Variants in DPP6 observed in about 807,000 individuals in gnomAD.
DPP6 encodes dipeptidyl peptidase like 6, also known as A-type potassium channel modulatory protein DPP6.
Under a neutral mutation model 122.6 loss-of-function variants are expected in DPP6, and 69 were observed. The observed-to-expected ratio is 0.56, with a 90% CI of 0.46 to 0.69. The LOEUF (loss-of-function observed/expected upper bound fraction) is 0.69, where lower values mean the gene tolerates loss of function less well. Ranked by LOEUF, DPP6 falls within the 30% of genes least tolerant of loss-of-function variation. The pLI is 0.00. For missense variants in DPP6, 928 were observed against 1,116.9 expected (o/e 0.83, Z 2.41); for synonymous variants, 418 against 433.1 (o/e 0.97, Z 0.43).
intron 1 of DPP6, among the ~76,000 whole-genome samples, chr7:154,006,262 C>T (rs559133209): frequency 3.9e-5 from 6 of 152,096 alleles, no homozygotes; most frequent in African/African-American, 1.2e-4. Context: ...TCCCTTGGTG[C>T]TTGGTGGGCC....
chr7:154,066,050 T>C (rs1440580746), intron 1 of DPP6, among the ~76,000 whole-genome samples: 1 of 147,790 alleles, frequency 6.8e-6, no homozygotes, highest in Non-Finnish European at 1.5e-5. Flanking sequence ...TTTGTTTTTT[T>C]TTTTTTTTAC....
At chr7:154,613,861 A>G (rs77570963) in intron 5 of DPP6, among the ~76,000 whole-genome samples, 2,269 of 152,242 alleles carry the variant, frequency 0.015, 58 homozygotes, top group African/African-American at 0.052. Context: ...AATGTCAAAC[A>G]CAAGCCACAG....
At chr7:154,375,128 A>G (rs1404948662) in intron 1 of DPP6, among the ~76,000 whole-genome samples, 1 of 152,046 alleles carries the variant, frequency 6.6e-6, no homozygotes, top group African/African-American at 2.4e-5. Flanking sequence ...GAGGGCAGAC[A>G]GTTCTGGATG....
At chr7:154,502,376 CA>C (rs1185787496) in intron 3 of DPP6, among the ~76,000 whole-genome samples, 2 of 152,086 alleles carry the variant, frequency 1.3e-5, no homozygotes, top group Non-Finnish European at 2.9e-5. Flanking sequence ...TGTCCCCACC[CA>C]AATCTCATCT....
At chr7:154,504,808 T>G (rs1825544721) in intron 3 of DPP6, among the ~76,000 whole-genome samples, 1 of 151,974 alleles carries the variant, frequency 6.6e-6, no homozygotes, top group African/African-American at 2.4e-5. Context: ...TTTTTTTTTT[T>G]TGCTGTGGAA....
chr7:153,817,798 G>A, the DPP6 span, among the ~76,000 whole-genome samples: 2 of 150,564 alleles, frequency 1.3e-5, no homozygotes, highest in South Asian at 4.3e-4. Context: ...GATAGCATTA[G>A]GAGATATACC....
intron 6 of DPP6, among the ~76,000 whole-genome samples, chr7:154,645,357 G>A (rs943141529): frequency 6.6e-6 from 1 of 152,080 alleles, no homozygotes; most frequent in African/African-American, 2.4e-5. Context: ...GAGCCACTGC[G>A]CCCGGCCTGT....
intron 1 of DPP6, among the ~76,000 whole-genome samples, chr7:153,891,567 C>T (rs1455250477): frequency 6.6e-6 from 1 of 151,946 alleles, no homozygotes; most frequent in Admixed American, 6.6e-5. Flanking sequence ...TCCTTTATTG[C>T]TGTTTGGTTG....
intron 5 of DPP6, among the ~76,000 whole-genome samples, chr7:154,590,629 G>C (rs912177557): frequency 1.4e-5 from 2 of 141,420 alleles, no homozygotes; most frequent in African/African-American, 5.4e-5. Flanking sequence ...CCACCTCCCA[G>C]GTTCAAACAA....
At chr7:154,595,621 C>T (rs1833047536) in intron 5 of DPP6, among the ~76,000 whole-genome samples, 1 of 152,234 alleles carries the variant, frequency 6.6e-6, no homozygotes, top group Admixed American at 6.5e-5. Context: ...AATAACAATT[C>T]CATTCATTTG....
chr7:153,780,638 T>C, the DPP6 span, among the ~76,000 whole-genome samples: 2 of 152,162 alleles, frequency 1.3e-5, no homozygotes, highest in African/African-American at 4.8e-5. Context: ...GGCGAGAGGA[T>C]TGGCCCTGGG....
intron 1 of DPP6, among the ~76,000 whole-genome samples, chr7:154,255,813 A>T (rs560561016): frequency 6.6e-6 from 1 of 152,352 alleles, no homozygotes; most frequent in African/African-American, 2.4e-5. Flanking sequence ...ACTTAAAATA[A>T]TAGGAAAAAT....
chr7:154,205,137 T>TTA (rs1302741194), intron 1 of DPP6, among the ~76,000 whole-genome samples: 1 of 152,218 alleles, frequency 6.6e-6, no homozygotes, highest in Non-Finnish European at 1.5e-5. Flanking sequence ...TGGTTTTTTT[T>TTA]TTCTGTTTTT....
Position 154,199,873 on chromosome 7 carries a change from G to C in DPP6, c.243+146810G>C, listed in dbSNP as rs540843095. On this transcript the variant is annotated intron_variant, in intron 1 of 25. Transcript: ENST00000377770. The stretch of plus-strand genomic sequence containing the variant: ...TCCGCCTGCCTCAGCCTCCCAAAGT[G>C]CTGGGATTACAGGCGTGAGCCACCA... Among the ~76,000 whole-genome samples the C allele has an allele frequency of 2.0e-5, 3 of 152,276 alleles. No homozygotes were observed. In the South Asian group the frequency reaches 6.2e-4, roughly 32 times the overall value.
chr7:154,825,282 G>A (rs578036425), intron 16 of DPP6, among the ~76,000 whole-genome samples: 54 of 152,196 alleles, frequency 3.5e-4, no homozygotes, highest in Admixed American at 7.9e-4. Context: ...ATCCAACCTG[G>A]ACACTCAGAA....
the DPP6 span, among the ~76,000 whole-genome samples, chr7:153,796,240 TC>T: frequency 0.33 from 40,276 of 121,630 alleles, 6,852 homozygotes; most frequent in Middle Eastern, 0.43. Flanking sequence ...TTTCCATTTC[TC>T]TTTGCAGATC....
intron 1 of DPP6, among the ~76,000 whole-genome samples, chr7:154,394,811 A>G (rs1051723380): frequency 6.6e-6 from 1 of 152,212 alleles, no homozygotes; most frequent in Non-Finnish European, 1.5e-5. Context: ...TTGTATGCCA[A>G]TATCCACTTT....
intron 8 of DPP6, among the ~76,000 whole-genome samples, chr7:154,766,955 G>A (rs1795941871): frequency 6.6e-6 from 1 of 152,208 alleles, no homozygotes; most frequent in Admixed American, 6.5e-5. Flanking sequence ...GGGTAGGAAT[G>A]AAAGTGGCCT....
rs971421944 is a variant in DPP6 at position 154,481,803 on chromosome 7, C to T, written c.457+6766C>T. Among the ~76,000 whole-genome samples the T allele has an allele frequency of 5.3e-5, 8 of 152,136 alleles. No individual in the cohort carries two copies. The highest frequency in any genetic ancestry group is 1.2e-4 in the Non-Finnish European group (8 of 68,038). ...TTGCTCCCTAATTCTTGCTCTGCCC[C>T]ACATTGACTCTTCTGGTTTTGGATT... On this transcript the variant is annotated intron_variant, in intron 3 of 25. Transcript: ENST00000377770. The surrounding 1 kb of genome is among the most constrained non-coding windows in gnomAD (Gnocchi z 4.2).
Sources: gnomAD v4.1 joint callset for allele counts (sites outside exome capture counted in the v4.1 genomes callset) on GRCh38, gnomAD v4.1.1 for gene constraint, Gnocchi (gnomAD v3.1) non-coding constraint, MANE v1.5 for transcripts, NCBI Gene and HGNC (gene_info 2026-07-23, HGNC 2026-07-21) for gene names.